PPT1: variants seen among roughly 807,000 people sequenced by gnomAD.
PPT1 encodes the protein palmitoyl-protein thioesterase 1, also known as ceroid-palmitoyl-palmitoyl-protein thioesterase 1.
PPT1 carries 24 observed loss-of-function variants against 44.0 expected under a neutral mutation model. The ratio of observed to expected loss-of-function variants is 0.54; its 90% CI spans 0.39 to 0.77. The LOEUF is 0.77. Ranked by LOEUF, PPT1 falls within the 30% of genes least tolerant of loss-of-function variation. The pLI is 0.00. For synonymous variants in PPT1, 148 were observed against 140.2 expected (o/e 1.06, Z -0.39); for missense variants, 341 against 378.8 (o/e 0.90, Z 0.83).
intron 3 of PPT1, among the ~76,000 whole-genome samples, chr1:40,091,773 G>A (rs560054921): frequency 2.6e-4 from 40 of 151,752 alleles, no homozygotes; most frequent in African/African-American, 9.2e-4. Context: ...GCTGAGGCAG[G>A]AGAATCACTT....
rs369839395 is a variant in PPT1 at position 40,097,234 on chromosome 1, G to A, written c.5C>T (p.Ala2Val). Residue 2 changes from alanine to valine, a missense_variant, in exon 1 of 9, where the codon GCG becomes GTG. Physicochemically the swap from Ala to Val is moderately conservative, Grantham distance 64. Transcript: ENST00000642050. M[A>V]SPGCLWLLAV... ...CAAGAGCCACAGGCAGCCGGGCGAC[G>A]CCATCTTCGCTGTGTCACATGACCG... 7.4e-6 allele frequency: 12 copies of A among 1,613,840 alleles called. No individual in the cohort carries two copies. Among genetic ancestry groups the A allele is most frequent in the Non-Finnish European group, 9.3e-6 (11 of 1,179,854 alleles).
chr1:40,093,944 G>A (rs1168237093), intron 1 of PPT1: 3 of 713,352 alleles, frequency 4.2e-6, no homozygotes, highest in East Asian at 2.7e-5. Context: ...TATCATCCCA[G>A]CGCTTTGGTA....
intron 4 of PPT1, 36 bp from the exon 5 acceptor site, chr1:40,089,548 T>C (rs750256850): frequency 6.8e-7 from 1 of 1,470,734 alleles, no homozygotes; most frequent in Admixed American, 1.7e-5. Flanking sequence ...ACTCCTTCAA[T>C]AATGATGTAT....
At chr1:40,094,719 T>G (rs4660389) in intron 1 of PPT1, among the ~76,000 whole-genome samples, 98,212 of 151,812 alleles carry the variant, frequency 0.65, 32,492 homozygotes, top group Non-Finnish European at 0.72. Context: ...TATTCCATTT[T>G]CAACCTGCGA....
At chr1:40,093,901 A>G in intron 1 of PPT1, 1 of 634,246 alleles carries the variant, frequency 1.6e-6, no homozygotes. Context: ...AAAAAAAAAA[A>G]AAATCCATAT....
At chr1:40,078,971 A>C in intron 6 of PPT1, 1 of 378,092 alleles carries the variant, frequency 2.6e-6, no homozygotes, top group South Asian at 2.1e-5. Flanking sequence ...AGTGCCCAAC[A>C]GGAAGTTTTT....
intron 7 of PPT1, among the ~76,000 whole-genome samples, chr1:40,077,670 G>A (rs2124471242): frequency 6.6e-6 from 1 of 152,328 alleles, no homozygotes; most frequent in Middle Eastern, 3.4e-3. Flanking sequence ...TGTTTTAACA[G>A]AGGCTGATGA....
rs968592238 is a variant in PPT1, at chr1:40,096,876, T to A, written c.124+239A>T. 8.1e-5 allele frequency: 53 copies of A among 652,190 alleles called. No homozygotes were observed. In the East Asian group the frequency reaches 1.5e-3, roughly 19 times the overall value. The allele number at this position is 652,190 out of a possible 1,614,324, so 40.4% of individuals were successfully genotyped here. ...CTGTAAGGATTAATCAAGGACAGCA[T>A]GTAAAACTTCAACGCCGTGCGCGGC... On this transcript the variant is annotated intron_variant, in intron 1 of 8. Transcript: ENST00000642050.
chr1:40,077,733 G>A (rs1028284024), intron 7 of PPT1, among the ~76,000 whole-genome samples: 4 of 152,130 alleles, frequency 2.6e-5, no homozygotes, highest in Admixed American at 6.6e-5. Context: ...TCCTTGCCTT[G>A]ACAGACGAAT....
intron 7 of PPT1, among the ~76,000 whole-genome samples, chr1:40,077,821 A>T (rs1648708462): frequency 6.6e-6 from 1 of 152,202 alleles, no homozygotes. Flanking sequence ...CGAGAGAAAA[A>T]GCACAAGTAG....
chr1:40,092,614 T>C, intron 1 of PPT1, 107 bp from the exon 2 acceptor site: 1 of 915,004 alleles, frequency 1.1e-6, no homozygotes, highest in Admixed American at 1.8e-5. Context: ...AAACAATGTA[T>C]AGAATGGAAG....
At chr1:40,096,856 A>C in intron 1 of PPT1, 1 of 575,004 alleles carries the variant, frequency 1.7e-6, no homozygotes. Context: ...CACTACTGTA[A>C]GGATTAATCA....
intron 1 of PPT1, among the ~76,000 whole-genome samples, chr1:40,092,769 T>C (rs1056423171): frequency 3.5e-5 from 5 of 140,900 alleles, no homozygotes; most frequent in African/African-American, 1.0e-4. Flanking sequence ...AAAGAAGATA[T>C]ACAAATGGCT....
rs202241486 is a variant in PPT1, at chr1:40,097,222, C to A, written c.17G>T (p.Cys6Phe). 102 of 1,613,974 alleles carry A rather than the reference C, an allele frequency of 6.3e-5. No homozygotes were observed. The highest frequency in any genetic ancestry group is 1.7e-4 in the Middle Eastern group (1 of 6,060). The change falls in exon 1 of 9, where the codon TGC becomes TTC. Residue 6 changes from cysteine (C) to phenylalanine (F), a missense_variant. Transcript: ENST00000642050. The part of the protein sequence containing the change: MASPG[C>F]LWLLAVALLP... ...GAGAGCCACAGCCAAGAGCCACAGG[C>A]AGCCGGGCGACGCCATCTTCGCTGT...
At chr1:40,089,672 A>G in intron 4 of PPT1, 160 bp from the exon 5 acceptor site, 1 of 690,796 alleles carries the variant, frequency 1.4e-6, no homozygotes, top group Non-Finnish European at 2.6e-6. Context: ...TACTATCACC[A>G]GCTTCCTCCT....
chr1:40,083,790 G>A (rs1220313109), intron 5 of PPT1, among the ~76,000 whole-genome samples: 1 of 152,108 alleles, frequency 6.6e-6, no homozygotes, highest in Non-Finnish European at 1.5e-5. Context: ...AACGGGCTGG[G>A]TACCATGCAC....
chr1:40,093,535 C>T (rs4660382), intron 1 of PPT1, among the ~76,000 whole-genome samples: 123,999 of 152,130 alleles, frequency 0.82, 51,340 homozygotes, highest in Non-Finnish European at 0.89. Context: ...TTTTAAAAAA[C>T]AGAAGAAAGA....
chr1:40,088,936 T>C (rs1167307933), intron 5 of PPT1, among the ~76,000 whole-genome samples: 2 of 152,190 alleles, frequency 1.3e-5, no homozygotes, highest in African/African-American at 4.8e-5. Flanking sequence ...TTTTAGTTAA[T>C]AGACTTTTTG....
rs375831846 is a variant in PPT1 at position 40,078,652 on chromosome 1, T to C, written c.634A>G (p.Asn212Asp). ...LADINQERGI[N>D]ESYKKNLMAL... is the part of the protein sequence containing the mutation. ...ATCAGGTTTTTCTTGTAGGACTCAT[T>C]GATACCCTGAAAGAAAGGCCAGCAA... The change falls in exon 7 of 9, where the codon AAT (asparagine) becomes GAT (aspartate). Residue 212 changes from asparagine to aspartate, a missense_variant. Asn to Asp is a conservative substitution (Grantham distance 23). Coordinates refer to ENST00000642050, the MANE Select transcript of PPT1 (RefSeq NM_000310.4). 71 of 1,613,064 alleles carry C rather than the reference T, an allele frequency of 4.4e-5. No homozygotes were observed. Among genetic ancestry groups the C allele is most frequent in the Non-Finnish European group, 5.7e-5 (67 of 1,179,282 alleles).
Sources: allele counts gnomAD v4.1 joint callset (sites outside exome capture counted in the v4.1 genomes callset), GRCh38; gene constraint gnomAD v4.1.1; transcripts MANE v1.5; gene names NCBI Gene and HGNC (gene_info 2026-07-23, HGNC 2026-07-21).